The following MORF4L1 variants were observed in gnomAD, a reference collection of about 807,000 sequenced individuals.
The protein encoded by MORF4L1 is mortality factor 4-like protein 1.
MORF4L1 carries 4 observed loss-of-function variants against 52.9 expected under a neutral mutation model. The observed-to-expected ratio is 0.08, with a 90% CI of 0.04 to 0.17. MORF4L1 has a LOEUF of 0.17. Among genes scored for constraint, MORF4L1 ranks in the 10% least tolerant of loss-of-function variants. MORF4L1 has a pLI of 1.00. For synonymous variants in MORF4L1, 123 were observed against 134.8 expected (o/e 0.91, Z 0.61); for missense variants, 214 against 390.4 (o/e 0.55, Z 3.81).
intron 5 of MORF4L1, among the ~76,000 whole-genome samples, chr15:78,890,051 C>T (rs961432081): frequency 1.3e-5 from 2 of 151,954 alleles, no homozygotes; most frequent in Admixed American, 6.6e-5. Context: ...GGTGAAATCC[C>T]GTCTCTTAAA....
At chr15:78,885,711 G>C (rs1373054814) in intron 3 of MORF4L1, among the ~76,000 whole-genome samples, 2 of 152,140 alleles carry the variant, frequency 1.3e-5, no homozygotes, top group African/African-American at 4.8e-5. Flanking sequence ...ATTTCATAGA[G>C]AATGAAATGA....
rs1292734509 is a variant in MORF4L1, at chr15:78,880,680, T to G, written c.155+101T>G. 7.3e-6 allele frequency: 6 copies of G among 819,908 alleles called. No homozygotes were observed. In the African/African-American group the frequency reaches 8.7e-5, roughly 12 times the overall value. The allele number at this position is 819,908 out of a possible 1,614,324, so 50.8% of individuals were successfully genotyped here. A position where few individuals can be genotyped will look rare whatever the true frequency, so the allele number is the denominator to read the frequency against. On this transcript the variant is annotated intron_variant, in intron 3 of 11. Transcript: ENST00000426013. ...GCTTTTCAATTCTGCAGTTTTAATG[T>G]AATATAGTACATATTGAAGCAAAGG...
chr15:78,891,172 A>G, intron 6 of MORF4L1, 158 bp downstream of exon 6: 1 of 951,496 alleles, frequency 1.1e-6, no homozygotes, highest in African/African-American at 1.7e-5. Context: ...ATGGTGGTAG[A>G]GACCTCTTTT....
intron 3 of MORF4L1, among the ~76,000 whole-genome samples, chr15:78,882,776 T>C (rs1389267582): frequency 6.6e-6 from 1 of 151,814 alleles, no homozygotes; most frequent in Non-Finnish European, 1.5e-5. Context: ...TCTCCTGCAT[T>C]TTAAAGGAAT....
chr15:78,877,094 A>T (rs1202625355), intron 1 of MORF4L1, among the ~76,000 whole-genome samples: 2 of 143,846 alleles, frequency 1.4e-5, no homozygotes, highest in African/African-American at 5.2e-5. Context: ...CTGAAGGTGC[A>T]CATCACCACG....
intron 5 of MORF4L1, chr15:78,887,589 T>C (rs939292361): frequency 2.3e-5 from 8 of 346,920 alleles, no homozygotes; most frequent in African/African-American, 1.5e-4. Context: ...TGTTTTCTCT[T>C]ACAAAGATAG....
intron 10 of MORF4L1, 170 bp from the exon 11 acceptor site, chr15:78,894,650 C>T (rs1461990589): frequency 3.4e-6 from 2 of 581,120 alleles, no homozygotes; most frequent in African/African-American, 1.9e-5. Context: ...CTCAAGCGAT[C>T]GCCTATCTCG....
chr15:78,883,544 G>A (rs565416189), intron 3 of MORF4L1, among the ~76,000 whole-genome samples: 14 of 152,170 alleles, frequency 9.2e-5, no homozygotes, highest in Non-Finnish European at 1.8e-4. Context: ...TTGTAGTCCA[G>A]TAACTCAAAG....
chr15:78,894,821 A>G lies in MORF4L1; in HGVS notation c.804A>G (p.Val268=), dbSNP rs879155350. Residue 268 remains valine, a splice_region_variant and synonymous_variant, in exon 11 of 12, where the codon GTA becomes GTG. Coordinates refer to ENST00000426013, the MANE Select transcript of MORF4L1 (RefSeq NM_006791.4). The part of the protein sequence containing the change: ...YGAPHLLRLF[V]RIGAMLAYTP... ...GGATAAATTCTCTTGTTTAAACAGT[A>G]CGAATTGGAGCAATGTTGGCTTATA... 4 of 1,611,560 alleles carry G rather than the reference A, an allele frequency of 2.5e-6. No homozygotes were observed. The highest frequency in any genetic ancestry group is 3.4e-6 in the Non-Finnish European group (4 of 1,177,674).
rs774988639 is a variant in MORF4L1, at chr15:78,894,893, C to T, written c.876C>T (p.His292=). Residue 292 remains histidine, a synonymous_variant, in exon 11 of 12, where the codon CAC becomes CAT. Coordinates refer to ENST00000426013, the MANE Select transcript of MORF4L1 (RefSeq NM_006791.4). The stretch of plus-strand genomic sequence containing the variant: ...TTGCTTTATTACTCAATTATCTTCA[C>T]GATTTCCTAAAGTAAGTCTGTGCTT... The part of the protein sequence containing the change: ...KSLALLLNYL[H]DFLKYLAKNS... 95 of 1,611,772 alleles carry T rather than the reference C, an allele frequency of 5.9e-5. No homozygotes were observed. In the South Asian group the frequency reaches 6.6e-4, roughly 11 times the overall value.
chr15:78,874,665 C>T (rs1358334353), intron 1 of MORF4L1, among the ~76,000 whole-genome samples: 2 of 139,848 alleles, frequency 1.4e-5, no homozygotes, highest in Non-Finnish European at 3.0e-5. Flanking sequence ...TGGGCTTGAG[C>T]GATCCACCCG....
At chr15:78,873,868 C>G (rs1378917354) in intron 1 of MORF4L1, 1 of 152,192 alleles carries the variant, frequency 6.6e-6, no homozygotes, top group African/African-American at 2.4e-5. Flanking sequence ...TGCAGTTGCT[C>G]GTAAAAAGTA....
chr15:78,893,563 A>G lies in MORF4L1; in HGVS notation c.565A>G (p.Asn189Asp). The G allele has an allele frequency of 6.2e-7, 1 of 1,606,008 alleles. No individual in the cohort carries two copies. The highest frequency in any genetic ancestry group is 8.5e-7 in the Non-Finnish European group (1 of 1,173,728). ...GCTCTTTTATCTTCCTGCCAAGAAG[A>G]ATGTGGATTCCATTCTTGAGGATTA... ...KQLFYLPAKK[N>D]VDSILEDYAN... The change falls in exon 9 of 12, where the codon AAT (asparagine) becomes GAT (aspartate). Residue 189 changes from asparagine to aspartate, a missense_variant. Physicochemically the swap from Asn to Asp is conservative, Grantham distance 23. This residue lies in a region of MORF4L1 where 68 missense variants were observed against 171.6 expected (regional missense o/e 0.40). Coordinates refer to ENST00000426013, the MANE Select transcript of MORF4L1 (RefSeq NM_006791.4).
chr15:78,886,587 A>G (rs952688017), intron 4 of MORF4L1, among the ~76,000 whole-genome samples: 1 of 152,180 alleles, frequency 6.6e-6, no homozygotes, highest in African/African-American at 2.4e-5. Flanking sequence ...TCATCTCTGA[A>G]AGCACGGGAA....
At chr15:78,884,075 A>C (rs928477224) in intron 3 of MORF4L1, among the ~76,000 whole-genome samples, 1 of 151,908 alleles carries the variant, frequency 6.6e-6, no homozygotes, top group Admixed American at 6.6e-5. Context: ...GTGGTGGTTC[A>C]TGCCTGTAAT....
chr15:78,895,016 A>G, intron 11 of MORF4L1, 112 bp downstream of exon 11: 2 of 831,906 alleles, frequency 2.4e-6, no homozygotes, highest in South Asian at 3.1e-5. Context: ...AGGCATAGAT[A>G]GTTGGTAATG....
chr15:78,882,653 C>T (rs1596243374), intron 3 of MORF4L1, among the ~76,000 whole-genome samples: 1 of 152,000 alleles, frequency 6.6e-6, no homozygotes, highest in Non-Finnish European at 1.5e-5. Context: ...AATTTCATTT[C>T]TCTACAGGAA....
Position 78,880,721 on chromosome 15 carries a change from A to T in MORF4L1, c.155+142A>T, listed in dbSNP as rs1463453964. 5.0e-6 allele frequency: 3 copies of T among 597,384 alleles called. No homozygotes were observed. In the African/African-American group the frequency reaches 5.8e-5, roughly 12 times the overall value. The allele number at this position is 597,384 out of a possible 1,614,324, so 37.0% of individuals were successfully genotyped here. ...GAAGCAAAGGTGAATCATTTGTAGTATGACAAAACTATTAGAAATTAGGGT... is the reference window on the plus strand; with the variant it reads ...GAAGCAAAGGTGAATCATTTGTAGTTTGACAAAACTATTAGAAATTAGGGT... On this transcript the variant is annotated intron_variant, in intron 3 of 11. Coordinates refer to ENST00000426013, the MANE Select transcript of MORF4L1 (RefSeq NM_006791.4).
At position 78,880,492 on chromosome 15, in the gene MORF4L1, A is replaced by G. The variant is rs759951942; in HGVS notation, c.88-20A>G. The G allele has an allele frequency of 1.4e-6, 2 of 1,405,892 alleles. No individual in the cohort carries two copies. The highest frequency in any genetic ancestry group is 2.0e-5 in the Admixed American group (1 of 49,858). 87.1% of individuals were successfully genotyped at this position (1,405,892 alleles called of 1,614,324 possible). A position where few individuals can be genotyped will look rare whatever the true frequency, so the allele number is the denominator to read the frequency against. On this transcript the variant is annotated intron_variant, in intron 2 of 11. Transcript: ENST00000426013. The stretch of plus-strand genomic sequence containing the variant: ...TTAAAAAATTTCTAAGTGAATTATT[A>G]TTTTTTTTTTGAATTTCAGTGTGTA...
Sources: allele counts gnomAD v4.1 joint callset (sites outside exome capture counted in the v4.1 genomes callset), GRCh38; gene constraint gnomAD v4.1.1; regional missense constraint gnomAD v4.1.1; transcripts MANE v1.5; gene names NCBI Gene and HGNC (gene_info 2026-07-23, HGNC 2026-07-21).